BNC2: variants seen among roughly 807,000 people sequenced by gnomAD.
BNC2 encodes the protein basonuclin zinc finger protein 2, also known as zinc finger protein basonuclin-2.
BNC2 carries 20 observed loss-of-function variants against 76.3 expected under a neutral mutation model. The ratio of observed to expected loss-of-function variants is 0.26; its 90% CI spans 0.18 to 0.38. The LOEUF is 0.38. Among genes scored for constraint, BNC2 ranks in the 10% least tolerant of loss-of-function variants. The pLI, the probability that BNC2 is intolerant of heterozygous loss-of-function variation, is 1.00. For missense variants in BNC2, 1,382 were observed against 1,399.8 expected (o/e 0.99, Z 0.20); for synonymous variants, 582 against 514.8 (o/e 1.13, Z -1.77).
At chr9:16,507,719 G>A (rs193092499) in intron 5 of BNC2, among the ~76,000 whole-genome samples, 31 of 152,218 alleles carry the variant, frequency 2.0e-4, no homozygotes, top group East Asian at 7.7e-4. Flanking sequence ...GAGCCACCGC[G>A]CCTGGCCTAT....
chr9:16,547,478 C>T (rs1450802296), intron 5 of BNC2, among the ~76,000 whole-genome samples: 1 of 152,206 alleles, frequency 6.6e-6, no homozygotes, highest in Non-Finnish European at 1.5e-5. Flanking sequence ...TTATTCAGTG[C>T]TCTGCATTTG....
At chr9:16,493,117 G>T (rs4961720) in intron 5 of BNC2, among the ~76,000 whole-genome samples, 1 of 151,966 alleles carries the variant, frequency 6.6e-6, no homozygotes, top group Non-Finnish European at 1.5e-5. Flanking sequence ...TTGTTTTCAC[G>T]TAAGTCCTAT....
At chr9:16,842,692 A>G (rs186975088) in intron 1 of BNC2, among the ~76,000 whole-genome samples, 182 of 152,206 alleles carry the variant, frequency 1.2e-3, no homozygotes, top group African/African-American at 4.2e-3. Flanking sequence ...GTTAAAGGAT[A>G]TATAGGAATT....
chr9:16,418,612 CT>C lies in BNC2; in HGVS notation c.*376del, dbSNP rs1184985031. 5.6e-6 allele frequency: 1 copy of C among 177,218 alleles called. No homozygotes were observed. The highest frequency in any genetic ancestry group is 1.2e-5 in the Non-Finnish European group (1 of 85,542). The allele number at this position is 177,218 out of a possible 1,614,324, so 11.0% of individuals were successfully genotyped here. On this transcript the variant is annotated 3_prime_UTR_variant, in exon 7 of 7. Transcript: ENST00000380672. ...AACAGTCATGGGTACAACAAATTGT[CT>C]CTTTGGGGAAGACCAAGAATTATTC...
At chr9:16,673,401 A>T (rs550648245) in intron 3 of BNC2, among the ~76,000 whole-genome samples, 1 of 75,720 alleles carries the variant, frequency 1.3e-5, no homozygotes, top group South Asian at 2.8e-4. Context: ...ATTCAAAAAG[A>T]ATAAACTCCC....
At chr9:16,615,985 G>C (rs760621987) in intron 3 of BNC2, among the ~76,000 whole-genome samples, 8 of 152,176 alleles carry the variant, frequency 5.3e-5, no homozygotes, top group Non-Finnish European at 2.9e-5. Flanking sequence ...AACCAAGTCT[G>C]AGAGCTCAAT....
At chr9:16,464,111 A>C (rs867038887) in intron 5 of BNC2, among the ~76,000 whole-genome samples, 1 of 151,718 alleles carries the variant, frequency 6.6e-6, no homozygotes, top group Non-Finnish European at 1.5e-5. Context: ...AAAAAAAAAA[A>C]AAGAAAGAAG....
At chr9:16,834,367 T>C (rs1818653251) in intron 1 of BNC2, among the ~76,000 whole-genome samples, 1 of 152,220 alleles carries the variant, frequency 6.6e-6, no homozygotes, top group African/African-American at 2.4e-5. Context: ...AGATCAATAC[T>C]TTTGAAAACT....
At chr9:16,739,054 C>T (rs1234900406) in intron 1 of BNC2, among the ~76,000 whole-genome samples, 6 of 151,550 alleles carry the variant, frequency 4.0e-5, no homozygotes, top group Admixed American at 1.3e-4. Flanking sequence ...AGCTTCTACA[C>T]CGAGGCACTC....
intron 3 of BNC2, among the ~76,000 whole-genome samples, chr9:16,676,240 C>G (rs1379425184): frequency 6.6e-6 from 1 of 152,026 alleles, no homozygotes; most frequent in African/African-American, 2.4e-5. Flanking sequence ...ATGACTAACT[C>G]CAACAAAATA....
intron 5 of BNC2, among the ~76,000 whole-genome samples, chr9:16,478,801 T>C (rs145255832): frequency 9.8e-5 from 15 of 152,306 alleles, no homozygotes; most frequent in African/African-American, 2.4e-4. Context: ...TACCTCTAAA[T>C]TGAAGTAACT....
rs750660430 is a variant in BNC2, at chr9:16,413,640, C to T, written c.*5349G>A. On this transcript the variant is annotated 3_prime_UTR_variant, in exon 7 of 7. Transcript: ENST00000380672. ...GGTCAGTTGTACAGCTGGAATTACA[C>T]AATACTTTTTGAAAATGACCATTTA... 1 of 152,012 alleles carries T rather than the reference C, an allele frequency of 6.6e-6. No homozygotes were observed. Among genetic ancestry groups the T allele is most frequent in the Admixed American group, 6.6e-5 (1 of 15,258 alleles). 9.4% of individuals were successfully genotyped at this position (152,012 alleles called of 1,614,324 possible). A position where few individuals can be genotyped will look rare whatever the true frequency, so the allele number is the denominator to read the frequency against.
chr9:16,472,898 G>C (rs1402773939), intron 5 of BNC2, among the ~76,000 whole-genome samples: 3 of 152,230 alleles, frequency 2.0e-5, no homozygotes, highest in African/African-American at 7.2e-5. Flanking sequence ...TTGAAAATGT[G>C]TAACTGGTAC....
chr9:16,781,819 T>C (rs1285196586), intron 1 of BNC2, among the ~76,000 whole-genome samples: 1 of 152,182 alleles, frequency 6.6e-6, no homozygotes, highest in East Asian at 1.9e-4. Context: ...CTTCCAATGA[T>C]ATGAACACAA....
At chr9:16,607,185 G>A (rs1034862358) in intron 3 of BNC2, among the ~76,000 whole-genome samples, 2 of 152,142 alleles carry the variant, frequency 1.3e-5, no homozygotes, top group African/African-American at 4.8e-5. Flanking sequence ...AAACTCCTGT[G>A]CTCAGGCAAT....
At chr9:16,583,299 C>A (rs1018714388) in intron 3 of BNC2, among the ~76,000 whole-genome samples, 1 of 152,056 alleles carries the variant, frequency 6.6e-6, no homozygotes, top group African/African-American at 2.4e-5. Flanking sequence ...TGTTTTAGGT[C>A]ATTCACAGTA....
intron 4 of BNC2, 70 bp from the exon 5 acceptor site, chr9:16,552,835 T>C: frequency 7.8e-7 from 1 of 1,287,626 alleles, no homozygotes; most frequent in South Asian, 1.2e-5. Context: ...GAACAGGAGT[T>C]AGAAATATTG....
At chr9:16,568,483 T>C (rs935450051) in intron 4 of BNC2, among the ~76,000 whole-genome samples, 14 of 152,144 alleles carry the variant, frequency 9.2e-5, no homozygotes, top group African/African-American at 3.1e-4. Flanking sequence ...AAGCACACTA[T>C]ACCCAATATA....
chr9:16,506,277 C>T (rs1018788284), intron 5 of BNC2, among the ~76,000 whole-genome samples: 31 of 152,242 alleles, frequency 2.0e-4, no homozygotes, highest in African/African-American at 7.0e-4. Flanking sequence ...GCCACCCACT[C>T]GGCTCTGGAT....
Sources: allele counts gnomAD v4.1 joint callset (sites outside exome capture counted in the v4.1 genomes callset), GRCh38; gene constraint gnomAD v4.1.1; transcripts MANE v1.5; gene names NCBI Gene and HGNC (gene_info 2026-07-23, HGNC 2026-07-21).